The following MKRN2OS variants were observed in gnomAD, a reference collection of about 807,000 sequenced individuals.
The protein encoded by MKRN2OS is MKRN2 opposite strand.
MKRN2OS carries 17 observed loss-of-function variants against 18.2 expected under a neutral mutation model. The observed-to-expected ratio is 0.93, with a 90% CI of 0.64 to 1.40. MKRN2OS has a LOEUF of 1.40. MKRN2OS is among the 40% of genes most tolerant of loss of function. The pLI is 0.00. For missense variants in MKRN2OS, 337 were observed against 283.0 expected (o/e 1.19, Z -1.37); for synonymous variants, 121 against 108.5 (o/e 1.12, Z -0.72).
At chr3:12,552,948 G>A (rs1347556453), downstream of MKRN2OS, among the ~76,000 whole-genome samples, 14 of 149,992 alleles carry the variant, frequency 9.3e-5, no homozygotes, top group African/African-American at 3.5e-4. Flanking sequence ...ACCAGGAGGT[G>A]GAGGTTGCAG....
intron 1 of MKRN2OS, among the ~76,000 whole-genome samples, chr3:12,544,972 C>G (rs750491351): frequency 2.4e-4 from 36 of 152,150 alleles, no homozygotes; most frequent in Admixed American, 1.5e-3. Context: ...TCCTGGTTAG[C>G]CTCTGAGCAC....
At chr3:12,543,784 C>T (rs1275465200) in intron 1 of MKRN2OS, among the ~76,000 whole-genome samples, 2 of 151,334 alleles carry the variant, frequency 1.3e-5, no homozygotes, top group Non-Finnish European at 2.9e-5. Flanking sequence ...CCCAGCTACT[C>T]GGATGACTGA....
At chr3:12,551,220 C>T (rs1291472803), downstream of MKRN2OS, among the ~76,000 whole-genome samples, 1 of 150,224 alleles carries the variant, frequency 6.7e-6, no homozygotes, top group Non-Finnish European at 1.5e-5. Context: ...AGCCCGGGCA[C>T]AATGGCTCAC....
intron 1 of MKRN2OS, among the ~76,000 whole-genome samples, chr3:12,556,276 G>A (rs1227474063): frequency 2.0e-5 from 3 of 150,306 alleles, no homozygotes; most frequent in Non-Finnish European, 4.4e-5. Flanking sequence ...GCTTGAACCC[G>A]GGAGGCGGAG....
At chr3:12,545,949 GAC>G (rs1397604147), upstream of MKRN2OS, among the ~76,000 whole-genome samples, 1 of 152,134 alleles carries the variant, frequency 6.6e-6, no homozygotes, top group African/African-American at 2.4e-5. Flanking sequence ...TGGGACTACA[GAC>G]ACACGCCACT....
chr3:12,557,167 T>A, intron 1 of MKRN2OS: 1 of 1,536,890 alleles, frequency 6.5e-7, no homozygotes, highest in Non-Finnish European at 8.7e-7. Flanking sequence ...ACCAAGCAGA[T>A]CACTTGCAGG....
chr3:12,558,593 A>C (rs2058005711), intron 1 of MKRN2OS, among the ~76,000 whole-genome samples: 1 of 152,228 alleles, frequency 6.6e-6, no homozygotes, highest in Non-Finnish European at 1.5e-5. Flanking sequence ...TTATTTTACA[A>C]ATAAGGAATC....
chr3:12,548,472 AAAAAAAAAAAC>A (rs1251298087), upstream of MKRN2OS, among the ~76,000 whole-genome samples: 20 of 31,186 alleles, frequency 6.4e-4, no homozygotes, highest in Admixed American at 1.7e-3. Flanking sequence ...AAAAAAAAAA[AAAAAAAAAAAC>A]CAGCCGAGCG....
chr3:12,545,548 A>G, upstream of MKRN2OS: 3 of 1,046,096 alleles, frequency 2.9e-6, no homozygotes, highest in African/African-American at 1.6e-5. Context: ...ACACCGCCCC[A>G]AGGAACCTGA....
upstream of MKRN2OS, chr3:12,545,559 T>C (rs1196946418): frequency 3.2e-6 from 3 of 942,728 alleles, no homozygotes. Context: ...AGGAACCTGA[T>C]CAATGGTGAT....
chr3:12,560,383 A>G (rs2058026252), intron 1 of MKRN2OS, among the ~76,000 whole-genome samples: 1 of 151,632 alleles, frequency 6.6e-6, no homozygotes, highest in Non-Finnish European at 1.5e-5. Flanking sequence ...AGCCTGCCAC[A>G]GTGCCTACCA....
At chr3:12,554,427 C>T (rs1188395183) in intron 1 of MKRN2OS, among the ~76,000 whole-genome samples, 2 of 151,988 alleles carry the variant, frequency 1.3e-5, no homozygotes, top group African/African-American at 4.8e-5. Context: ...TGGAAGTGCA[C>T]ACTGGCTGTC....
chr3:12,541,264 C>T (rs1039836450), intron 3 of MKRN2OS, among the ~76,000 whole-genome samples: 1 of 152,114 alleles, frequency 6.6e-6, no homozygotes, highest in African/African-American at 2.4e-5. Context: ...TACTCTCTTG[C>T]CCAGGCTGGA....
At chr3:12,548,397 G>A (rs13076045), upstream of MKRN2OS, among the ~76,000 whole-genome samples, 84,104 of 145,586 alleles carry the variant, frequency 0.58, 26,271 homozygotes, top group African/African-American at 0.84. Flanking sequence ...GCAGTGAGCC[G>A]AGATCGCGCC....
chr3:12,557,300 C>A, intron 1 of MKRN2OS: 1 of 1,288,360 alleles, frequency 7.8e-7, no homozygotes, highest in South Asian at 1.6e-5. Flanking sequence ...CTCGGCTGTT[C>A]GCGGCGGGGC....
chr3:12,557,145 G>T, intron 1 of MKRN2OS: 1 of 1,522,246 alleles, frequency 6.6e-7, no homozygotes. Context: ...CCTCAGCCCA[G>T]CCACCATGAG....
In MKRN2OS at chr3:12,545,316, T is replaced by C. The variant is rs1486892326; in HGVS notation, c.149A>G (p.Asn50Ser). 1.4e-5 allele frequency: 21 copies of C among 1,536,010 alleles called. 1 individual carries two copies. In the South Asian group the frequency reaches 2.5e-4, roughly 18 times the overall value. ...KLEDAPVSIA[N>S]PFTNGHQEKC... The stretch of plus-strand genomic sequence containing the variant: ...TTCTTGATGTCCATTAGTAAATGGA[T>C]TAGCGATGCTAACAGGTGCGTCCTC... The change falls in exon 1 of 4, where the codon AAT becomes AGT. Residue 50 changes from asparagine to serine, a missense_variant. Transcript: ENST00000564146.
upstream of MKRN2OS, among the ~76,000 whole-genome samples, chr3:12,547,751 C>T (rs2057896735): frequency 6.6e-6 from 1 of 152,080 alleles, no homozygotes; most frequent in African/African-American, 2.4e-5. Flanking sequence ...GGGAGACCCA[C>T]AGAGAAGGTG....
chr3:12,545,813 T>C (rs1012171706), upstream of MKRN2OS, among the ~76,000 whole-genome samples: 1 of 152,178 alleles, frequency 6.6e-6, no homozygotes, highest in South Asian at 2.1e-4. Flanking sequence ...AGAACTCTTA[T>C]TTATTTATTT....
Sources: allele counts gnomAD v4.1 joint callset (sites outside exome capture counted in the v4.1 genomes callset), GRCh38; gene constraint gnomAD v4.1.1; transcripts MANE v1.5; gene names NCBI Gene and HGNC (gene_info 2026-07-23, HGNC 2026-07-21).